The following INPP5A variants were observed in gnomAD, a reference collection of about 807,000 sequenced individuals.
The protein encoded by INPP5A is inositol polyphosphate-5-phosphatase A, also known as 43 kDa inositol polyphosphate 5-phophatase.
INPP5A carries 14 observed loss-of-function variants against 65.2 expected under a neutral mutation model. That is an observed-to-expected ratio of 0.21 (90% CI 0.14 to 0.34). The LOEUF is 0.34. Among genes scored for constraint, INPP5A ranks in the 10% least tolerant of loss-of-function variants. The pLI is 1.00. For missense variants in INPP5A, 431 were observed against 545.6 expected, an observed-to-expected ratio of 0.79 and a Z score of 2.09; for synonymous variants, 207 against 208.3, an observed-to-expected ratio of 0.99 and a Z score of 0.05.
intron 2 of INPP5A, among the ~76,000 whole-genome samples, chr10:132,630,125 C>T (rs2072244575): frequency 6.6e-6 from 1 of 152,072 alleles, no homozygotes; most frequent in East Asian, 1.9e-4. Context: ...GGGATGATGT[C>T]CTCCAGGAAA....
Position 132,547,720 on chromosome 10 carries a change from G to A in INPP5A, c.75+9549G>A, listed in dbSNP as rs2070996358. ...CCTCCGGGACGCCTCGCCTAGGCAAGCAGGGTTTTCCTCCTTCACGGGACA... is the reference window on the plus strand; with the variant it reads ...CCTCCGGGACGCCTCGCCTAGGCAAACAGGGTTTTCCTCCTTCACGGGACA... On this transcript the variant is annotated intron_variant, in intron 1 of 15. Coordinates refer to ENST00000368594, the MANE Select transcript of INPP5A (RefSeq NM_005539.5). This position sits in a 1 kb window ranked among gnomAD's most constrained non-coding sequence, Gnocchi z 5.5. Among the ~76,000 whole-genome samples, 1 of 152,106 alleles carries A rather than the reference G, an allele frequency of 6.6e-6. No individual in the cohort carries two copies. The highest frequency in any genetic ancestry group is 2.4e-5 in the African/African-American group (1 of 41,430).
chr10:132,578,794 A>C (rs1276187747), intron 1 of INPP5A, among the ~76,000 whole-genome samples: 1 of 151,276 alleles, frequency 6.6e-6, no homozygotes, highest in Non-Finnish European at 1.5e-5. Context: ...AGAGGAGAGG[A>C]GACTCTCGAC....
chr10:132,554,318 G>T (rs2071095679), intron 1 of INPP5A, among the ~76,000 whole-genome samples: 1 of 152,154 alleles, frequency 6.6e-6, no homozygotes, highest in African/African-American at 2.4e-5. Flanking sequence ...GGAGATGAGG[G>T]ATTTGTCCAG....
At chr10:132,703,310 C>A (rs1227455617) in intron 6 of INPP5A, among the ~76,000 whole-genome samples, 1 of 152,114 alleles carries the variant, frequency 6.6e-6, no homozygotes, top group Non-Finnish European at 1.5e-5. Context: ...CGGTGCCTGT[C>A]TTCCCATCCA....
At chr10:132,630,119 TG>T (rs1203779575) in intron 2 of INPP5A, among the ~76,000 whole-genome samples, 1 of 151,612 alleles carries the variant, frequency 6.6e-6, no homozygotes, top group Non-Finnish European at 1.5e-5. Context: ...TATGAGGGGA[TG>T]ATGTCCTCCA....
rs140588941 is a variant in INPP5A, at chr10:132,620,471, T to C, written c.117+12515T>C. On this transcript the variant is annotated intron_variant, in intron 2 of 15. Transcript: ENST00000368594. ...CAGGCCACATCTTTCTTGAGCACTTTGCTGCTTAGAAATTTCTTCCATCAG... is the reference window on the plus strand; with the variant it reads ...CAGGCCACATCTTTCTTGAGCACTTCGCTGCTTAGAAATTTCTTCCATCAG... Among the ~76,000 whole-genome samples, 734 of 152,318 alleles carry C rather than the reference T, an allele frequency of 4.8e-3. 5 individuals carry two copies. The highest frequency in any genetic ancestry group is 0.017 in the African/African-American group (697 of 41,566).
Position 132,651,065 on chromosome 10 carries a change from G to A in INPP5A, c.306+560G>A, listed in dbSNP as rs995834095. 6.6e-6 allele frequency among the ~76,000 whole-genome samples: 1 copy of A among 152,208 alleles called. No individual in the cohort carries two copies. The highest frequency in any genetic ancestry group is 1.5e-5 in the Non-Finnish European group (1 of 68,010). On this transcript the variant is annotated intron_variant, in intron 4 of 15. Coordinates refer to ENST00000368594, the MANE Select transcript of INPP5A (RefSeq NM_005539.5). This position sits in a 1 kb window ranked among gnomAD's most constrained non-coding sequence, Gnocchi z 5.0. The stretch of plus-strand genomic sequence containing the variant: ...GGTCCTCTGTCAGGTGGACACATGA[G>A]AGGGTGGCCCTGGTGGACGTGGCAG...
chr10:132,684,913 T>C (rs1170396007), intron 4 of INPP5A, among the ~76,000 whole-genome samples: 1 of 152,044 alleles, frequency 6.6e-6, no homozygotes, highest in Non-Finnish European at 1.5e-5. Flanking sequence ...GGGGAAGGAG[T>C]GGGCTGCGTA....
At chr10:132,743,276 G>A (rs1846307997) in intron 9 of INPP5A, among the ~76,000 whole-genome samples, 1 of 138,744 alleles carries the variant, frequency 7.2e-6, no homozygotes, top group Non-Finnish European at 1.6e-5. Flanking sequence ...AGCCCCAGCA[G>A]GGACCGGGCC....
At chr10:132,611,804 C>CTT (rs2071956619) in intron 2 of INPP5A, among the ~76,000 whole-genome samples, 1 of 99,326 alleles carries the variant, frequency 1.0e-5, no homozygotes, top group African/African-American at 4.0e-5. Flanking sequence ...GGAAAGGCTC[C>CTT]ATCAGAGGAG....
intron 2 of INPP5A, among the ~76,000 whole-genome samples, chr10:132,620,679 A>G (rs2072096517): frequency 1.3e-5 from 2 of 152,232 alleles, no homozygotes; most frequent in South Asian, 2.1e-4. Context: ...AGTATCAAGA[A>G]GAAATAATGA....
rs892448678 is a variant in INPP5A, at chr10:132,706,171, G to C, written c.475-2142G>C. ...GAGAATTAGACAATGTCATTAAGGA[G>C]TTCATCTAAACATAGTCAAGACGGA... is the stretch of plus-strand genomic sequence containing the variant. On this transcript the variant is annotated intron_variant, in intron 6 of 15. Coordinates refer to ENST00000368594, the MANE Select transcript of INPP5A (RefSeq NM_005539.5). The surrounding 1 kb of genome is among the most constrained non-coding windows in gnomAD (Gnocchi z 4.7). Among the ~76,000 whole-genome samples, 1 of 152,214 alleles carries C rather than the reference G, an allele frequency of 6.6e-6. No individual in the cohort carries two copies. Among genetic ancestry groups the C allele is most frequent in the African/African-American group, 2.4e-5 (1 of 41,456 alleles).
intron 1 of INPP5A, among the ~76,000 whole-genome samples, chr10:132,540,474 T>C (rs1326870215): frequency 3.3e-5 from 5 of 152,268 alleles, no homozygotes; most frequent in Admixed American, 6.5e-5. Context: ...TGGAAACTTA[T>C]CTGTCCGTGT....
chr10:132,694,252 C>T (rs1845312173), intron 5 of INPP5A, among the ~76,000 whole-genome samples: 1 of 152,148 alleles, frequency 6.6e-6, no homozygotes. Flanking sequence ...AATACTTGAA[C>T]ATTAAACAAC....
At chr10:132,763,766 G>A (rs111672064) in intron 11 of INPP5A, among the ~76,000 whole-genome samples, 12 of 143,336 alleles carry the variant, frequency 8.4e-5, no homozygotes, top group Non-Finnish European at 1.2e-4. Flanking sequence ...CACACATGCC[G>A]TTGCACACAT....
intron 8 of INPP5A, among the ~76,000 whole-genome samples, chr10:132,723,026 C>A (rs1229572130): frequency 6.6e-6 from 1 of 152,228 alleles, no homozygotes. Flanking sequence ...TTGCGGCCGC[C>A]GTGCACCCTT....
intron 3 of INPP5A, among the ~76,000 whole-genome samples, chr10:132,649,706 G>A (rs1021874578): frequency 1.3e-5 from 2 of 152,182 alleles, no homozygotes; most frequent in African/African-American, 4.8e-5. Flanking sequence ...TGGGTAGGGG[G>A]ATGATGGACT....
rs113224807 is a variant in INPP5A at position 132,694,722 on chromosome 10, C to T, written c.371-3094C>T. Among the ~76,000 whole-genome samples, 846 of 152,184 alleles carry T rather than the reference C, an allele frequency of 5.6e-3. 8 individuals are homozygous for T. The highest frequency in any genetic ancestry group is 0.019 in the African/African-American group (809 of 41,538). The stretch of plus-strand genomic sequence containing the variant: ...GAAATTAGAGAGGGGCCATTACTGC[C>T]GATCCTGTGGACATTTAAAGGATAA... On this transcript the variant is annotated intron_variant, in intron 5 of 15. Transcript: ENST00000368594.
At chr10:132,573,800 A>T (rs61505043) in intron 1 of INPP5A, among the ~76,000 whole-genome samples, 2 of 19,476 alleles carry the variant, frequency 1.0e-4, no homozygotes, top group Non-Finnish European at 9.9e-5. Flanking sequence ...GTTGATGTTG[A>T]GGTGTGTGTG....
Sources: allele counts gnomAD v4.1 joint callset (sites outside exome capture counted in the v4.1 genomes callset), GRCh38; gene constraint gnomAD v4.1.1; non-coding constraint Gnocchi (gnomAD v3.1); transcripts MANE v1.5; gene names NCBI Gene and HGNC (gene_info 2026-07-23, HGNC 2026-07-21).